The following WWOX variants were observed in gnomAD, a reference collection of about 807,000 sequenced individuals.
WWOX encodes the protein WW domain containing oxidoreductase.
Under a neutral mutation model 46.2 loss-of-function variants are expected in WWOX, and 69 were observed. The ratio of observed to expected loss-of-function variants is 1.49; its 90% CI spans 1.23 to 1.82. The LOEUF is 1.82. Among genes scored for constraint, WWOX ranks in the 40% most tolerant of loss-of-function variants. The probability of loss-of-function intolerance (pLI) is 0.00; values close to 1 mark genes in which losing one functional copy is unlikely to be tolerated. For missense variants in WWOX, 919 were observed against 542.6 expected, an observed-to-expected ratio of 1.69 and a Z score of -6.89; for synonymous variants, 359 against 202.6, an observed-to-expected ratio of 1.77 and a Z score of -6.56.
At chr16:78,768,573 C>T (rs2049983811) in intron 8 of WWOX, among the ~76,000 whole-genome samples, 1 of 147,086 alleles carries the variant, frequency 6.8e-6, no homozygotes, top group African/African-American at 2.5e-5. Flanking sequence ...CTGGGTGACA[C>T]AGTGAGACTT....
intron 5 of WWOX, among the ~76,000 whole-genome samples, chr16:78,376,753 C>G (rs1330116541): frequency 6.6e-6 from 1 of 152,162 alleles, no homozygotes; most frequent in African/African-American, 2.4e-5. Context: ...CAGATGTCTG[C>G]TAGCAGTTAG....
intron 8 of WWOX, among the ~76,000 whole-genome samples, chr16:78,836,075 C>T (rs7185014): frequency 0.2 from 30,846 of 152,008 alleles, 3,467 homozygotes; most frequent in East Asian, 0.28. Flanking sequence ...CTATTGATTT[C>T]GTTGAGAAAG....
At chr16:78,751,459 TTTTATATATATATATATA>T (rs1444054910) in intron 8 of WWOX, among the ~76,000 whole-genome samples, 1 of 62,564 alleles carries the variant, frequency 1.6e-5, no homozygotes, top group African/African-American at 6.4e-5. Flanking sequence ...ATTTATCAGA[TTTTATATATATATATATA>T]TATATATATA....
chr16:78,333,456 G>C (rs566687399), intron 5 of WWOX, among the ~76,000 whole-genome samples: 8 of 152,182 alleles, frequency 5.3e-5, no homozygotes, highest in African/African-American at 1.4e-4. Flanking sequence ...AGTGTAATCT[G>C]TTCTGATGTA....
At chr16:78,975,214 G>C (rs985330623) in intron 8 of WWOX, among the ~76,000 whole-genome samples, 1 of 152,160 alleles carries the variant, frequency 6.6e-6, no homozygotes, top group Non-Finnish European at 1.5e-5. Context: ...GCCTCATCTG[G>C]TTCAAGGGTT....
intron 8 of WWOX, among the ~76,000 whole-genome samples, chr16:78,557,978 A>T (rs1299156641): frequency 6.6e-6 from 1 of 152,028 alleles, no homozygotes; most frequent in Non-Finnish European, 1.5e-5. Context: ...CAGGAATTTC[A>T]TTGGATTTCT....
chr16:79,099,012 C>G (rs941778401), intron 8 of WWOX, among the ~76,000 whole-genome samples: 1 of 152,078 alleles, frequency 6.6e-6, no homozygotes, highest in Admixed American at 6.6e-5. Flanking sequence ...TGGGGAGGGC[C>G]TCAGGCTGCT....
chr16:79,007,383 C>T (rs1044893909), intron 8 of WWOX, among the ~76,000 whole-genome samples: 1 of 152,164 alleles, frequency 6.6e-6, no homozygotes, highest in South Asian at 2.1e-4. Flanking sequence ...AAAGGAATGG[C>T]AAACACAGTG....
intron 8 of WWOX, among the ~76,000 whole-genome samples, chr16:78,945,901 G>A (rs1368497538): frequency 6.6e-6 from 1 of 152,002 alleles, no homozygotes; most frequent in Non-Finnish European, 1.5e-5. Context: ...CTGCCCTTGT[G>A]ACCTTGAACA....
chr16:78,518,503 G>C (rs2043284932), intron 8 of WWOX, among the ~76,000 whole-genome samples: 1 of 152,166 alleles, frequency 6.6e-6, no homozygotes, highest in Non-Finnish European at 1.5e-5. Context: ...TTACAGACGT[G>C]AGTGACCACG....
chr16:78,593,917 T>C lies in WWOX; in HGVS notation c.1056+161165T>C, dbSNP rs563083527. ...GATCTTTGGGTTCCTTCTTTAGCAA[T>C]TGGAGTTGGAGGAGGATGACCTTAG... On this transcript the variant is annotated intron_variant, in intron 8 of 8. Transcript: ENST00000566780. Among the ~76,000 whole-genome samples, 86 of 152,288 alleles carry C rather than the reference T, an allele frequency of 5.6e-4. 1 individual carries two copies. Among genetic ancestry groups the C allele is most frequent in the African/African-American group, 2.0e-3 (82 of 41,564 alleles).
chr16:78,315,912 A>G (rs77890687), intron 5 of WWOX, among the ~76,000 whole-genome samples: 15,277 of 152,082 alleles, frequency 0.1, 1,043 homozygotes, highest in East Asian at 0.24. Flanking sequence ...CTCGTGTTGA[A>G]TATTTATCAG....
chr16:78,487,175 A>G (rs1291914182), intron 8 of WWOX, among the ~76,000 whole-genome samples: 1 of 152,146 alleles, frequency 6.6e-6, no homozygotes. Context: ...TTTAATATTT[A>G]TGCTGGATAA....
chr16:79,074,962 G>A (rs1207723148), intron 8 of WWOX, among the ~76,000 whole-genome samples: 2 of 152,082 alleles, frequency 1.3e-5, no homozygotes, highest in Non-Finnish European at 2.9e-5. Context: ...TTTTAAGTGG[G>A]AAACGTCAGC....
intron 8 of WWOX, among the ~76,000 whole-genome samples, chr16:78,580,796 T>C (rs2045032194): frequency 6.6e-6 from 1 of 152,242 alleles, no homozygotes; most frequent in Non-Finnish European, 1.5e-5. Flanking sequence ...AATAATGCCA[T>C]GTATGATGGC....
At chr16:78,948,835 A>G (rs1313515118) in intron 8 of WWOX, among the ~76,000 whole-genome samples, 2 of 152,164 alleles carry the variant, frequency 1.3e-5, no homozygotes, top group African/African-American at 4.8e-5. Context: ...TAGGAAGGTT[A>G]TCCTGGGTGA....
chr16:78,951,399 C>G (rs2046057008), intron 8 of WWOX, among the ~76,000 whole-genome samples: 1 of 152,152 alleles, frequency 6.6e-6, no homozygotes, highest in African/African-American at 2.4e-5. Flanking sequence ...ACATGTAAAT[C>G]ATTGAGCCAA....
chr16:78,585,387 G>T (rs1013932228), intron 8 of WWOX, among the ~76,000 whole-genome samples: 6 of 152,112 alleles, frequency 3.9e-5, no homozygotes, highest in African/African-American at 1.4e-4. Flanking sequence ...TTATCTTTGG[G>T]GATCGGCCAC....
intron 8 of WWOX, among the ~76,000 whole-genome samples, chr16:79,107,607 A>G (rs1247890824): frequency 6.6e-6 from 1 of 152,148 alleles, no homozygotes; most frequent in Non-Finnish European, 1.5e-5. Context: ...GAGGCAGATC[A>G]CACTCTGCAG....
Sources: gnomAD v4.1 joint callset for allele counts (sites outside exome capture counted in the v4.1 genomes callset) on GRCh38, gnomAD v4.1.1 for gene constraint, MANE v1.5 for transcripts, NCBI Gene and HGNC (gene_info 2026-07-23, HGNC 2026-07-21) for gene names.